C6: variants seen among roughly 807,000 people sequenced by gnomAD.
C6 encodes complement C6, also known as complement component C6.
A neutral mutation model predicts 112.9 loss-of-function variants in C6; 101 were observed. That is an observed-to-expected ratio of 0.89 (90% CI 0.76 to 1.06). The LOEUF (loss-of-function observed/expected upper bound fraction) is 1.06, where lower values mean the gene tolerates loss of function less well. Among genes scored for constraint, C6 ranks in the 50% least tolerant of loss-of-function variants. The pLI, the probability that C6 is intolerant of heterozygous loss-of-function variation, is 0.00. For synonymous variants in C6, 431 were observed against 384.1 expected (o/e 1.12, Z -1.43); for missense variants, 1,202 against 1,104.6 (o/e 1.09, Z -1.25).
chr5:41,209,674 T>G (rs1751734353), intron 1 of C6, among the ~76,000 whole-genome samples: 1 of 152,166 alleles, frequency 6.6e-6, no homozygotes, highest in Admixed American at 6.5e-5. Flanking sequence ...GTGAAGGACC[T>G]CTTCAAGGAG....
chr5:41,175,818 G>A (rs1433169311), intron 8 of C6, among the ~76,000 whole-genome samples: 2 of 152,154 alleles, frequency 1.3e-5, no homozygotes, highest in Admixed American at 1.3e-4. Context: ...AAATTCACAT[G>A]CAAGAGTTAC....
At chr5:41,146,335 A>T (rs1745823165) in intron 17 of C6, among the ~76,000 whole-genome samples, 1 of 152,206 alleles carries the variant, frequency 6.6e-6, no homozygotes, top group Non-Finnish European at 1.5e-5. Flanking sequence ...ATTCCATTTT[A>T]GATAGAGAAG....
At chr5:41,184,041 T>A (rs868152186) in intron 6 of C6, among the ~76,000 whole-genome samples, 4 of 151,674 alleles carry the variant, frequency 2.6e-5, no homozygotes, top group Admixed American at 2.0e-4. Flanking sequence ...AGTACCTGGG[T>A]AAAGGGATCA....
rs556204791 is a variant in C6, at chr5:41,196,068, G to A, written c.446-135C>T. ...CTTCACTGTTTTTGATAGAGTTTTAGGGAGCACATAAAAATGGAGCGATAA... is the reference window on the plus strand; with the variant it reads ...CTTCACTGTTTTTGATAGAGTTTTAAGGAGCACATAAAAATGGAGCGATAA... On this transcript the variant is annotated intron_variant, in intron 4 of 17. Coordinates refer to ENST00000337836, the MANE Select transcript of C6 (RefSeq NM_000065.5). The A allele has an allele frequency of 1.5e-4, 146 of 996,406 alleles. 1 individual carries two copies. In the African/African-American group the frequency reaches 2.1e-3, roughly 14 times the overall value. The allele number at this position is 996,406 out of a possible 1,614,324, so 61.7% of individuals were successfully genotyped here.
chr5:41,255,335 T>G (rs1741625838), intron 1 of C6, among the ~76,000 whole-genome samples: 1 of 144,990 alleles, frequency 6.9e-6, no homozygotes, highest in Non-Finnish European at 1.5e-5. Flanking sequence ...CACTCCAGCC[T>G]GGGAGACAGA....
exon 1 of C6, chr5:41,261,286 C>T: frequency 4.1e-6 from 3 of 732,950 alleles, no homozygotes; most frequent in Non-Finnish European, 5.0e-6. Flanking sequence ...TTATTATGAG[C>T]TCTCAGCAGG....
chr5:41,245,881 T>C (rs1271859442), intron 1 of C6, among the ~76,000 whole-genome samples: 1 of 152,222 alleles, frequency 6.6e-6, no homozygotes, highest in East Asian at 1.9e-4. Context: ...ATGAGAGATG[T>C]TGACCTATGA....
intron 1 of C6, among the ~76,000 whole-genome samples, chr5:41,232,032 A>T (rs1739935888): frequency 6.6e-6 from 1 of 152,072 alleles, no homozygotes; most frequent in Non-Finnish European, 1.5e-5. Flanking sequence ...ACCTTTTAAG[A>T]ATCTCAAAAG....
At chr5:41,191,726 C>A (rs1030766976) in intron 5 of C6, among the ~76,000 whole-genome samples, 1 of 150,510 alleles carries the variant, frequency 6.6e-6, no homozygotes, top group Non-Finnish European at 1.5e-5. Flanking sequence ...TATAGAAATG[C>A]TACAGATTTT....
At chr5:41,179,899 C>T (rs1749183763) in intron 7 of C6, among the ~76,000 whole-genome samples, 1 of 151,794 alleles carries the variant, frequency 6.6e-6, no homozygotes, top group Non-Finnish European at 1.5e-5. Context: ...GATTTCAGTT[C>T]CCAACTCTAG....
chr5:41,248,932 T>C (rs1312914005), intron 1 of C6, among the ~76,000 whole-genome samples: 1 of 152,250 alleles, frequency 6.6e-6, no homozygotes, highest in East Asian at 1.9e-4. Flanking sequence ...TGGTCATCAA[T>C]GGTGGATTGG....
rs530266061 is a variant in C6 at position 41,230,132 on chromosome 5, G to A, written c.-20-26882C>T. Among the ~76,000 whole-genome samples, 20 of 152,084 alleles carry A rather than the reference G, an allele frequency of 1.3e-4. No individual in the cohort carries two copies. The South Asian group carries it at 1.5e-3, about 11-fold the overall frequency. On this transcript the variant is annotated intron_variant, in intron 1 of 17. Transcript: ENST00000263413. Reference sequence around the variant, plus strand: ...TTATCTTTGTAAGCTGAGAATGTACGTCATCTCAGGACCACTATTGTAAAA... The same window carrying A: ...TTATCTTTGTAAGCTGAGAATGTACATCATCTCAGGACCACTATTGTAAAA...
In C6 at chr5:41,179,362, G is replaced by A. The variant is rs868192285; in HGVS notation, c.927+1997C>T. ...AATCACATACGTGAAGCAAGACATA[G>A]GACTGTACCTATGTCTCATACAAAC... On this transcript the variant is annotated intron_variant, in intron 7 of 17. Transcript: ENST00000337836. 2.6e-4 allele frequency among the ~76,000 whole-genome samples: 40 copies of A among 152,124 alleles called. No individual in the cohort carries two copies. In the Middle Eastern group the frequency reaches 0.01, roughly 39 times the overall value.
intron 1 of C6, among the ~76,000 whole-genome samples, chr5:41,253,124 A>G (rs1369312466): frequency 6.6e-6 from 1 of 152,206 alleles, no homozygotes; most frequent in Non-Finnish European, 1.5e-5. Context: ...GTTAAGAATG[A>G]CATGTAATTG....
intron 1 of C6, among the ~76,000 whole-genome samples, chr5:41,240,475 C>G (rs754519663): frequency 1.3e-5 from 2 of 152,030 alleles, no homozygotes; most frequent in Non-Finnish European, 2.9e-5. Flanking sequence ...AGTAGGGTGG[C>G]GGGATAACTC....
chr5:41,225,809 C>G (rs1248121277), intron 1 of C6, among the ~76,000 whole-genome samples: 1 of 152,152 alleles, frequency 6.6e-6, no homozygotes, highest in Non-Finnish European at 1.5e-5. Context: ...ATATCTACAA[C>G]TATCTGATCT....
At chr5:41,157,697 T>C (rs1234689299) in intron 13 of C6, among the ~76,000 whole-genome samples, 1 of 152,178 alleles carries the variant, frequency 6.6e-6, no homozygotes, top group African/African-American at 2.4e-5. Context: ...GTATTAGCAA[T>C]GGATATTTCT....
intron 1 of C6, among the ~76,000 whole-genome samples, chr5:41,253,464 C>G: frequency 6.6e-6 from 1 of 152,182 alleles, no homozygotes; most frequent in East Asian, 1.9e-4. Context: ...AGTCCCAAGT[C>G]TGTTTTCTTA....
intron 1 of C6, among the ~76,000 whole-genome samples, chr5:41,230,269 A>G (rs1166310353): frequency 1.3e-5 from 2 of 152,136 alleles, no homozygotes; most frequent in African/African-American, 4.8e-5. Flanking sequence ...GTTGGGCAGA[A>G]TAGAGCCATA....
Sources: gnomAD v4.1 joint callset for allele counts (sites outside exome capture counted in the v4.1 genomes callset) on GRCh38, gnomAD v4.1.1 for gene constraint, MANE v1.5 for transcripts, NCBI Gene and HGNC (gene_info 2026-07-23, HGNC 2026-07-21) for gene names.